The following LYRM4 variants were observed in gnomAD, a reference collection of about 807,000 sequenced individuals.
The protein encoded by LYRM4 is LYR motif containing 4.
LYRM4 carries 9 observed loss-of-function variants against 11.7 expected under a neutral mutation model. That is an observed-to-expected ratio of 0.77 (90% CI 0.46 to 1.34). The LOEUF is 1.34. Ranked by LOEUF, LYRM4 falls within the 40% of genes most tolerant of loss-of-function variation. The pLI, the probability that LYRM4 is intolerant of heterozygous loss-of-function variation, is 0.00. For missense variants in LYRM4, 133 were observed against 112.5 expected (o/e 1.18, Z -0.82); for synonymous variants, 42 against 40.4 (o/e 1.04, Z -0.15).
intron 2 of LYRM4, among the ~76,000 whole-genome samples, chr6:5,173,855 T>G (rs1242336713): frequency 6.6e-6 from 1 of 152,328 alleles, no homozygotes; most frequent in African/African-American, 2.4e-5. Flanking sequence ...AGGTTAGACA[T>G]AGAGTTGCTT....
intron 2 of LYRM4, among the ~76,000 whole-genome samples, chr6:5,151,578 TA>T (rs1257950291): frequency 6.6e-6 from 1 of 152,176 alleles, no homozygotes; most frequent in Non-Finnish European, 1.5e-5. Flanking sequence ...CTCGGTGGCA[TA>T]TGCTATCTCC....
the LYRM4 span, among the ~76,000 whole-genome samples, chr6:5,050,950 G>A: frequency 6.6e-6 from 1 of 152,140 alleles, no homozygotes; most frequent in Non-Finnish European, 1.5e-5. Flanking sequence ...TCAAGAAAAC[G>A]TATGAACAAA....
chr6:5,229,547 C>G (rs144313614), intron 1 of LYRM4, among the ~76,000 whole-genome samples: 73 of 152,248 alleles, frequency 4.8e-4, no homozygotes, highest in African/African-American at 1.4e-3. Flanking sequence ...TAGAAAATTC[C>G]CAAAGCCCCA....
chr6:5,238,496 T>C (rs1006425686), intron 1 of LYRM4, among the ~76,000 whole-genome samples: 1 of 152,216 alleles, frequency 6.6e-6, no homozygotes, highest in East Asian at 1.9e-4. Context: ...ACTGGATATA[T>C]TAAGTCAACT....
At chr6:5,193,171 C>A (rs1043447261) in intron 2 of LYRM4, among the ~76,000 whole-genome samples, 5 of 152,080 alleles carry the variant, frequency 3.3e-5, no homozygotes, top group African/African-American at 9.7e-5. Flanking sequence ...ACATGACAAA[C>A]AACAAAAGTA....
intron 2 of LYRM4, among the ~76,000 whole-genome samples, chr6:5,129,478 TCCTC>T (rs1763846460): frequency 6.6e-6 from 1 of 152,158 alleles, no homozygotes; most frequent in African/African-American, 2.4e-5. Flanking sequence ...GCCTGCTTCA[TCCTC>T]GAAGCAGCCG....
intron 1 of LYRM4, among the ~76,000 whole-genome samples, chr6:5,235,307 A>G (rs1050584553): frequency 4.6e-5 from 7 of 152,152 alleles, no homozygotes; most frequent in African/African-American, 1.7e-4. Context: ...TGCGCCTGGC[A>G]CACTGTAATT....
chr6:5,220,095 G>A (rs1164767643), intron 1 of LYRM4, among the ~76,000 whole-genome samples: 1 of 152,108 alleles, frequency 6.6e-6, no homozygotes, highest in South Asian at 2.1e-4. Context: ...TCTTCATTCT[G>A]TCATTAGATC....
At chr6:5,165,768 C>G in intron 2 of LYRM4, among the ~76,000 whole-genome samples, 1 of 152,134 alleles carries the variant, frequency 6.6e-6, no homozygotes, top group East Asian at 1.9e-4. Flanking sequence ...GTCTCGAATT[C>G]CTGACCTCAG....
chr6:5,168,493 G>A (rs1022374932), intron 2 of LYRM4, among the ~76,000 whole-genome samples: 1 of 152,114 alleles, frequency 6.6e-6, no homozygotes, highest in African/African-American at 2.4e-5. Flanking sequence ...AATGAGACAC[G>A]TCCAGACTGC....
chr6:5,160,920 T>C (rs921208923), intron 2 of LYRM4, among the ~76,000 whole-genome samples: 1 of 152,132 alleles, frequency 6.6e-6, no homozygotes, highest in Non-Finnish European at 1.5e-5. Context: ...AAAATGGCAT[T>C]CCATTTTCTG....
At position 5,232,181 on chromosome 6, in the gene LYRM4, T is replaced by G. The variant is rs547090753; in HGVS notation, c.87-15443A>C. On this transcript the variant is annotated intron_variant, in intron 1 of 2. Transcript: ENST00000330636. ...TGAATAATATAAACTGGACTCTTACTGCCACAGGATTGGCAAAAGGAGTCT... is the reference window on the plus strand; with the variant it reads ...TGAATAATATAAACTGGACTCTTACGGCCACAGGATTGGCAAAAGGAGTCT... Among the ~76,000 whole-genome samples the G allele has an allele frequency of 2.6e-5, 4 of 152,358 alleles. No homozygotes were observed. In the East Asian group the frequency reaches 7.7e-4, roughly 29 times the overall value.
At chr6:5,098,180 T>C in the LYRM4 span, among the ~76,000 whole-genome samples, 1 of 152,166 alleles carries the variant, frequency 6.6e-6, no homozygotes, top group Admixed American at 6.5e-5. Flanking sequence ...GTCTCTGCGC[T>C]TACACATCCT....
intron 2 of LYRM4, among the ~76,000 whole-genome samples, chr6:5,156,663 C>T (rs1243625936): frequency 1.4e-5 from 2 of 143,214 alleles, no homozygotes; most frequent in African/African-American, 2.6e-5. Context: ...GAATAATGCC[C>T]TGTCTCAGAT....
the LYRM4 span, among the ~76,000 whole-genome samples, chr6:5,074,290 T>C: frequency 7.2e-5 from 11 of 152,124 alleles, no homozygotes; most frequent in Non-Finnish European, 1.6e-4. Context: ...TGGAAGCCAT[T>C]ATTACTGACT....
chr6:5,221,009 T>G (rs1408451956), intron 1 of LYRM4, among the ~76,000 whole-genome samples: 2 of 152,126 alleles, frequency 1.3e-5, no homozygotes, highest in African/African-American at 4.8e-5. Flanking sequence ...TTTCATTTTG[T>G]AGAGAGAGGG....
intron 1 of LYRM4, among the ~76,000 whole-genome samples, chr6:5,239,156 G>A (rs905315379): frequency 5.3e-5 from 8 of 152,178 alleles, no homozygotes; most frequent in Non-Finnish European, 1.2e-4. Flanking sequence ...CCAACAAAAA[G>A]CAATCAACTC....
intron 2 of LYRM4, among the ~76,000 whole-genome samples, chr6:5,126,905 G>T (rs1763722956): frequency 6.6e-6 from 1 of 152,158 alleles, no homozygotes; most frequent in Non-Finnish European, 1.5e-5. Context: ...AAATTTGATT[G>T]TAGTGATGCT....
At chr6:5,076,192 C>T in the LYRM4 span, among the ~76,000 whole-genome samples, 1 of 152,148 alleles carries the variant, frequency 6.6e-6, no homozygotes, top group Non-Finnish European at 1.5e-5. Context: ...GTGATCCACC[C>T]GTCTTGGCCT....
Sources: gnomAD v4.1 joint callset for allele counts (sites outside exome capture counted in the v4.1 genomes callset) on GRCh38, gnomAD v4.1.1 for gene constraint, MANE v1.5 for transcripts, NCBI Gene and HGNC (gene_info 2026-07-23, HGNC 2026-07-21) for gene names.